The following KDM4D variants were observed in gnomAD, a reference collection of about 807,000 sequenced individuals.
KDM4D encodes lysine-specific demethylase 4D.
For synonymous variants in KDM4D, 254 were observed against 249.1 expected (o/e 1.02, Z -0.19); for missense variants, 427 against 674.8 (o/e 0.63, Z 4.07).
chr11:94,983,483 C>G (rs1857859145), intron 2 of KDM4D, among the ~76,000 whole-genome samples: 1 of 151,728 alleles, frequency 6.6e-6, no homozygotes, highest in African/African-American at 2.4e-5. Flanking sequence ...TTTCAAATAT[C>G]AAAAAAACAT....
chr11:94,998,759 C>T lies in KDM4D; in HGVS notation c.1387C>T (p.Gln463Ter), dbSNP rs1254792710. The T allele has an allele frequency of 1.2e-6, 2 of 1,612,562 alleles. No homozygotes were observed. Among genetic ancestry groups the T allele is most frequent in the Non-Finnish European group, 8.5e-7 (1 of 1,178,776 alleles). ...RGRPPQKLRAQELTLQTPAKR... is the reference protein window; with the variant it reads ...RGRPPQKLRA ...TCGCCCTCCTCAGAAACTGAGAGCT[C>T]AGGAGCTGACCCTCCAGACTCCAGC... is the stretch of plus-strand genomic sequence containing the variant. Residue 463 changes from glutamine (Q) to a stop codon, truncating the protein, a stop_gained, in exon 3 of 3, where the codon CAG (glutamine) becomes TAG (stop). Coordinates refer to ENST00000335080, the MANE Select transcript of KDM4D (RefSeq NM_018039.3). LOFTEE classifies it low-confidence loss of function (END_TRUNC). This position sits in a 1 kb window ranked among gnomAD's most constrained non-coding sequence, Gnocchi z 6.7.
Position 94,980,421 on chromosome 11 carries a change from T to C in KDM4D, c.-350+4673T>C, listed in dbSNP as rs146500698. Among the ~76,000 whole-genome samples, 14 of 152,244 alleles carry C rather than the reference T, an allele frequency of 9.2e-5. No individual in the cohort carries two copies. In the East Asian group the frequency reaches 2.7e-3, roughly 29 times the overall value. ...CTTTACTATAAAATTCAGGAGCCAA[T>C]TGTCAAGTTCCACAAAAATACTTTT... On this transcript the variant is annotated intron_variant, in intron 2 of 2. Transcript: ENST00000335080.
intron 2 of KDM4D, among the ~76,000 whole-genome samples, chr11:94,981,289 C>T (rs7116458): frequency 0.96 from 146,311 of 152,194 alleles, 70,564 homozygotes; most frequent in East Asian, 1. Flanking sequence ...TAGGATTTTT[C>T]CATCTATGTT....
At chr11:94,976,679 G>A (rs1406827692) in intron 2 of KDM4D, among the ~76,000 whole-genome samples, 3 of 152,016 alleles carry the variant, frequency 2.0e-5, no homozygotes, top group Non-Finnish European at 2.9e-5. Flanking sequence ...GTATGCCAAA[G>A]GTAGCATTTA....
At chr11:94,982,549 A>C (rs1161039686) in intron 2 of KDM4D, among the ~76,000 whole-genome samples, 1 of 151,154 alleles carries the variant, frequency 6.6e-6, no homozygotes, top group Non-Finnish European at 1.5e-5. Context: ...TTTCTAAAAA[A>C]AAAAAAAAAA....
intron 2 of KDM4D, among the ~76,000 whole-genome samples, chr11:94,982,478 C>A (rs911203072): frequency 6.7e-6 from 1 of 149,858 alleles, no homozygotes; most frequent in Admixed American, 6.6e-5. Flanking sequence ...GAATTTCTAC[C>A]AACTCAGTCA....
rs782662807 is a variant in KDM4D, at chr11:94,998,143, T to C, written c.771T>C (p.Asn257=). Reference sequence around the variant, plus strand: ...TCTCGCCTACAGTTCTCAAGGAAAATGGGATTCCCTTCAATCGCATAACTC... The same window carrying C: ...TCTCGCCTACAGTTCTCAAGGAAAACGGGATTCCCTTCAATCGCATAACTC... The part of the protein sequence containing the change: ...ALISPTVLKE[N]GIPFNRITQE... Residue 257 remains asparagine (N), a synonymous_variant, in exon 3 of 3, where the codon AAT becomes AAC. Transcript: ENST00000335080. This position sits in a 1 kb window ranked among gnomAD's most constrained non-coding sequence, Gnocchi z 6.7. 1.2e-5 allele frequency: 19 copies of C among 1,613,874 alleles called. No individual in the cohort carries two copies. The East Asian group carries it at 3.6e-4, about 30-fold the overall frequency.
chr11:94,987,029 A>G (rs1857893795), intron 2 of KDM4D, among the ~76,000 whole-genome samples: 1 of 152,254 alleles, frequency 6.6e-6, no homozygotes, highest in African/African-American at 2.4e-5. Flanking sequence ...TTGAACCTCA[A>G]AAACGTGGAG....
chr11:94,986,133 A>G lies in KDM4D; in HGVS notation c.-350+10385A>G, dbSNP rs587745847. Among the ~76,000 whole-genome samples, 77 of 152,334 alleles carry G rather than the reference A, an allele frequency of 5.1e-4. 1 individual carries two copies. Among genetic ancestry groups the G allele is most frequent in the African/African-American group, 1.8e-3 (76 of 41,574 alleles). ...GAACACCTGCAGACCTGGAGACCACATTTTCAAATCATATATCCAGTAAAG... is the reference window on the plus strand; with the variant it reads ...GAACACCTGCAGACCTGGAGACCACGTTTTCAAATCATATATCCAGTAAAG... On this transcript the variant is annotated intron_variant, in intron 2 of 2. Coordinates refer to ENST00000335080, the MANE Select transcript of KDM4D (RefSeq NM_018039.3).
At chr11:94,989,547 T>G (rs1555098422) in intron 2 of KDM4D, among the ~76,000 whole-genome samples, 1 of 152,190 alleles carries the variant, frequency 6.6e-6, no homozygotes, top group Non-Finnish European at 1.5e-5. Context: ...ATGCTGGATT[T>G]AAAGGCCAAG....
chr11:94,987,356 G>A (rs1419252018), intron 2 of KDM4D, among the ~76,000 whole-genome samples: 1 of 152,158 alleles, frequency 6.6e-6, no homozygotes, highest in Non-Finnish European at 1.5e-5. Context: ...AAGCAAATTT[G>A]ATAAAATATT....
intron 2 of KDM4D, among the ~76,000 whole-genome samples, chr11:94,981,041 A>C (rs1857838099): frequency 2.0e-5 from 3 of 152,228 alleles, no homozygotes; most frequent in African/African-American, 7.2e-5. Context: ...ATTTGGCTGA[A>C]GGTTTTGGAT....
At chr11:94,982,667 A>G (rs2134110360) in intron 2 of KDM4D, among the ~76,000 whole-genome samples, 1 of 151,996 alleles carries the variant, frequency 6.6e-6, no homozygotes, top group South Asian at 2.1e-4. Flanking sequence ...AATAGTACTA[A>G]TAGGAAATAA....
chr11:94,988,209 G>A (rs1433340569), intron 2 of KDM4D, among the ~76,000 whole-genome samples: 11 of 152,198 alleles, frequency 7.2e-5, no homozygotes, highest in Admixed American at 5.2e-4. Flanking sequence ...ACAGGTTTTG[G>A]ATTTTTGGAA....
chr11:94,991,618 A>G (rs1298368600), intron 2 of KDM4D, among the ~76,000 whole-genome samples: 2 of 151,992 alleles, frequency 1.3e-5, no homozygotes, highest in African/African-American at 4.8e-5. Context: ...ACAAAGAGAA[A>G]GGAAGTTTAG....
In KDM4D at chr11:94,988,417, G is replaced by A. The variant is rs138278750; in HGVS notation, c.-349-8607G>A. ...CCCCTGCCTCATCAAGGTCAAAGCC[G>A]GAACTCAATTATCCAGCACCTATTG... On this transcript the variant is annotated intron_variant, in intron 2 of 2. Coordinates refer to ENST00000335080, the MANE Select transcript of KDM4D (RefSeq NM_018039.3). Among the ~76,000 whole-genome samples the A allele has an allele frequency of 3.0e-3, 454 of 152,168 alleles. 2 individuals carry two copies. The highest frequency in any genetic ancestry group is 9.7e-3 in the African/African-American group (402 of 41,522).
chr11:94,997,840 C>T lies in KDM4D; in HGVS notation c.468C>T (p.His156=). Residue 156 remains histidine (H), a synonymous_variant, in exon 3 of 3, where the codon CAC becomes CAT. Coordinates refer to ENST00000335080, the MANE Select transcript of KDM4D (RefSeq NM_018039.3). ...DENTKQWNLG[H]LGTIQDLLEK... is the part of the protein sequence containing the mutation. Reference sequence around the variant, plus strand: ...ACACTAAACAATGGAATCTTGGGCACCTGGGAACAATTCAGGACCTGCTGG... The same window carrying T: ...ACACTAAACAATGGAATCTTGGGCATCTGGGAACAATTCAGGACCTGCTGG... 6.2e-7 allele frequency: 1 copy of T among 1,614,218 alleles called. No homozygotes were observed. Among genetic ancestry groups the T allele is most frequent in the Non-Finnish European group, 8.5e-7 (1 of 1,180,046 alleles).
chr11:94,997,536 A>C lies in KDM4D; in HGVS notation c.164A>C (p.Lys55Thr). The C allele has an allele frequency of 6.2e-7, 1 of 1,614,130 alleles. No individual in the cohort carries two copies. The highest frequency in any genetic ancestry group is 8.5e-7 in the Non-Finnish European group (1 of 1,180,022). ...GGCTTGGCTAAGATAATTCCACCCA[A>C]AGAATGGAAAGCCAGAGAGACCTAT... ...RAGLAKIIPP[K>T]EWKARETYDN... The change falls in exon 3 of 3, where the codon AAA becomes ACA. Residue 55 changes from lysine to threonine, a missense_variant. By Grantham distance (78) the Lys-to-Thr change is moderately conservative. Coordinates refer to ENST00000335080, the MANE Select transcript of KDM4D (RefSeq NM_018039.3).
At position 94,998,791 on chromosome 11, in the gene KDM4D, G is replaced by A; in HGVS notation, c.1419G>A (p.Arg473=). 6.2e-7 allele frequency: 1 copy of A among 1,607,214 alleles called. No homozygotes were observed. Among genetic ancestry groups the A allele is most frequent in the Non-Finnish European group, 8.5e-7 (1 of 1,175,270 alleles). ...TGACCCTCCAGACTCCAGCCAAGAG[G>A]CCCCTCTTGGCGGGCACAACATGCA... The part of the protein sequence containing the change: ...QELTLQTPAK[R]PLLAGTTCTA... Residue 473 remains arginine (R), a synonymous_variant, in exon 3 of 3, where the codon AGG becomes AGA. Coordinates refer to ENST00000335080, the MANE Select transcript of KDM4D (RefSeq NM_018039.3). This position sits in a 1 kb window ranked among gnomAD's most constrained non-coding sequence, Gnocchi z 6.7.
Sources: allele counts gnomAD v4.1 joint callset (sites outside exome capture counted in the v4.1 genomes callset), GRCh38; gene constraint gnomAD v4.1.1; non-coding constraint Gnocchi (gnomAD v3.1); transcripts MANE v1.5; gene names NCBI Gene and HGNC (gene_info 2026-07-23, HGNC 2026-07-21).